The following SLC13A3 variants were observed in gnomAD, a reference collection of about 807,000 sequenced individuals.
SLC13A3 encodes solute carrier family 13 member 3.
SLC13A3 carries 40 observed loss-of-function variants against 59.0 expected under a neutral mutation model. The ratio of observed to expected loss-of-function variants is 0.68; its 90% CI spans 0.53 to 0.88. The LOEUF (loss-of-function observed/expected upper bound fraction) is 0.88. SLC13A3 is among the 40% of genes least tolerant of loss of function. The pLI is 0.00. For synonymous variants in SLC13A3, 317 were observed against 330.3 expected (o/e 0.96, Z 0.44); for missense variants, 699 against 783.2 (o/e 0.89, Z 1.28).
At chr20:46,630,344 T>C (rs1053563954) in intron 1 of SLC13A3, among the ~76,000 whole-genome samples, 3 of 152,236 alleles carry the variant, frequency 2.0e-5, no homozygotes, top group Non-Finnish European at 2.9e-5. Flanking sequence ...ATCTGAATGC[T>C]GTACTGTCAC....
At chr20:46,618,256 A>C (rs1176018893) in intron 1 of SLC13A3, among the ~76,000 whole-genome samples, 1 of 152,144 alleles carries the variant, frequency 6.6e-6, no homozygotes, top group East Asian at 1.9e-4. Context: ...TGCCTAGCCC[A>C]TCCTTGGTTC....
At chr20:46,674,583 G>A (rs1175255582), upstream of SLC13A3, among the ~76,000 whole-genome samples, 1 of 145,108 alleles carries the variant, frequency 6.9e-6, no homozygotes, top group East Asian at 2.1e-4. Context: ...TGGGTAGGTG[G>A]GGAGTGCGCG....
In SLC13A3 at chr20:46,575,697, G is replaced by C. The variant is rs377108385; in HGVS notation, c.1220-12C>G. The C allele has an allele frequency of 1.7e-5, 26 of 1,542,948 alleles. No homozygotes were observed. Among genetic ancestry groups the C allele is most frequent in the Non-Finnish European group, 2.3e-5 (26 of 1,131,604 alleles). ...CTCTGTGTTGGGAGCTGGGCAGAGA[G>C]AGGGATTCAGCACACACTCAGGGCC... On this transcript the variant is annotated splice_polypyrimidine_tract_variant and intron_variant, in intron 9 of 12. Coordinates refer to ENST00000279027, the MANE Select transcript of SLC13A3 (RefSeq NM_022829.6).
At chr20:46,631,042 A>T (rs1427981913) in intron 1 of SLC13A3, among the ~76,000 whole-genome samples, 1 of 152,264 alleles carries the variant, frequency 6.6e-6, no homozygotes, top group Non-Finnish European at 1.5e-5. Flanking sequence ...TAGTACAATT[A>T]GATCAATTTC....
At chr20:46,620,362 C>T (rs556798917) in intron 1 of SLC13A3, among the ~76,000 whole-genome samples, 150 of 152,168 alleles carry the variant, frequency 9.9e-4, no homozygotes, top group African/African-American at 3.4e-3. Context: ...AATTTTTGCA[C>T]CAAAATAAAC....
chr20:46,627,461 A>T (rs760435171), intron 1 of SLC13A3, among the ~76,000 whole-genome samples: 1 of 152,222 alleles, frequency 6.6e-6, no homozygotes, highest in Non-Finnish European at 1.5e-5. Flanking sequence ...CTCCCCTACC[A>T]CGAGGACAAC....
chr20:46,664,749 C>T (rs751997320), intron 1 of SLC13A3, among the ~76,000 whole-genome samples: 2 of 151,994 alleles, frequency 1.3e-5, no homozygotes, highest in Non-Finnish European at 2.9e-5. Flanking sequence ...GGAAGCTGTC[C>T]ATGAAGAGGA....
chr20:46,559,991 G>T lies in SLC13A3; in HGVS notation c.*31C>A. 2.5e-6 allele frequency: 4 copies of T among 1,604,486 alleles called. No individual in the cohort carries two copies. On this transcript the variant is annotated 3_prime_UTR_variant, in exon 13 of 13. Transcript: ENST00000279027. ...GTGATGGTGACAGCCCTTTGAGAGG[G>T]TTCAGCCTCAAGGGAGTCCTCCAGG...
At chr20:46,648,139 G>T (rs768735310) in intron 1 of SLC13A3, among the ~76,000 whole-genome samples, 50 of 152,220 alleles carry the variant, frequency 3.3e-4, no homozygotes, top group Non-Finnish European at 3.8e-4. Context: ...GACCAGAATT[G>T]TCTTGAAGCT....
chr20:46,566,093 TG>T (rs1236288712), intron 11 of SLC13A3, 135 bp downstream of exon 11: 2 of 694,004 alleles, frequency 2.9e-6, no homozygotes, highest in Non-Finnish European at 5.1e-6. Context: ...AATTGTACTG[TG>T]GTTCTGATAC....
intron 1 of SLC13A3, among the ~76,000 whole-genome samples, chr20:46,680,649 A>G (rs2063149764): frequency 6.6e-6 from 1 of 152,220 alleles, no homozygotes; most frequent in African/African-American, 2.4e-5. Flanking sequence ...ATCTCAGGCC[A>G]TCTTGTGACA....
intron 1 of SLC13A3, 101 bp downstream of exon 1, chr20:46,651,210 C>T: frequency 6.6e-6 from 9 of 1,372,170 alleles, no homozygotes; most frequent in Non-Finnish European, 8.4e-6. Context: ...CTGGTGGAGC[C>T]TGTCTACACT....
rs1276782171 is a variant in SLC13A3, at chr20:46,559,289, A to T, written c.*733T>A. The T allele has an allele frequency of 6.6e-6, 1 of 152,232 alleles. No homozygotes were observed. The highest frequency in any genetic ancestry group is 2.4e-5 in the African/African-American group (1 of 41,440). The allele number at this position is 152,232 out of a possible 1,614,324, so 9.4% of individuals were successfully genotyped here. ...TGGCCTGACCCCAGAATTATGGCCA[A>T]ACTGACCCAGATGAAACAGGAGAAT... On this transcript the variant is annotated 3_prime_UTR_variant, in exon 13 of 13. Coordinates refer to ENST00000279027, the MANE Select transcript of SLC13A3 (RefSeq NM_022829.6).
At chr20:46,583,283 G>T (rs919664203) in intron 9 of SLC13A3, 87 of 740,540 alleles carry the variant, frequency 1.2e-4, no homozygotes, top group African/African-American at 3.2e-4. Context: ...TTTTCTTTTG[G>T]TTTTTTTTTC....
Position 46,639,929 on chromosome 20 carries a change from G to A in SLC13A3, c.111+11382C>T, listed in dbSNP as rs116560781. ...AATGGTGAGGTTTGAATCTTACCTC[G>A]GCCACTTCCCAGCTGTGGGAGCTTG... On this transcript the variant is annotated intron_variant, in intron 1 of 12. Coordinates refer to ENST00000279027, the MANE Select transcript of SLC13A3 (RefSeq NM_022829.6). 2.8e-3 allele frequency among the ~76,000 whole-genome samples: 428 copies of A among 152,222 alleles called. 3 individuals carry two copies. Among genetic ancestry groups the A allele is most frequent in the African/African-American group, 9.9e-3 (410 of 41,538 alleles).
At chr20:46,569,323 T>G (rs569200448) in intron 10 of SLC13A3, among the ~76,000 whole-genome samples, 5 of 152,256 alleles carry the variant, frequency 3.3e-5, no homozygotes, top group African/African-American at 9.6e-5. Flanking sequence ...TTGGAAGCTT[T>G]GTTTCCTTGG....
At chr20:46,632,365 C>G (rs1187386940) in intron 1 of SLC13A3, among the ~76,000 whole-genome samples, 2 of 152,116 alleles carry the variant, frequency 1.3e-5, no homozygotes, top group Non-Finnish European at 2.9e-5. Flanking sequence ...GTCGCTTCCT[C>G]ACTCCGAGCG....
chr20:46,563,610 AAGAGGG>A (rs1318700175), intron 11 of SLC13A3, 59 bp from the exon 12 acceptor site: 14 of 560,442 alleles, frequency 2.5e-5, no homozygotes, highest in Middle Eastern at 9.6e-4. Context: ...CGACCACAGC[AAGAGGG>A]AGAGAGAGAG....
At chr20:46,604,125 T>G (rs2062411731) in intron 3 of SLC13A3, among the ~76,000 whole-genome samples, 1 of 152,126 alleles carries the variant, frequency 6.6e-6, no homozygotes, top group South Asian at 2.1e-4. Flanking sequence ...GCCTGGTCAC[T>G]TCATTCTCCA....
Sources: gnomAD v4.1 joint callset for allele counts (sites outside exome capture counted in the v4.1 genomes callset) on GRCh38, gnomAD v4.1.1 for gene constraint, MANE v1.5 for transcripts, NCBI Gene and HGNC (gene_info 2026-07-23, HGNC 2026-07-21) for gene names.